CNTNAP2: variants seen among roughly 807,000 people sequenced by gnomAD.
The protein encoded by CNTNAP2 is contactin associated protein 2.
In CNTNAP2, 98 loss-of-function variants were observed where a neutral mutation model predicts 155.2. The observed-to-expected ratio is 0.63, with a 90% CI of 0.54 to 0.75. The LOEUF is 0.75. CNTNAP2 is among the 30% of genes least tolerant of loss of function. CNTNAP2 has a pLI of 0.00. For synonymous variants in CNTNAP2, 651 were observed against 631.2 expected, an observed-to-expected ratio of 1.03 and a Z score of -0.47; for missense variants, 1,727 against 1,688.1, an observed-to-expected ratio of 1.02 and a Z score of -0.40.
chr7:147,778,957 A>G (rs1002862823), intron 13 of CNTNAP2, among the ~76,000 whole-genome samples: 3 of 152,252 alleles, frequency 2.0e-5, no homozygotes, highest in African/African-American at 7.2e-5. Context: ...TGGTACTTCT[A>G]CAAATGGGTT....
intron 2 of CNTNAP2, among the ~76,000 whole-genome samples, chr7:146,837,441 A>G (rs893802829): frequency 2.0e-5 from 3 of 152,082 alleles, no homozygotes; most frequent in Non-Finnish European, 4.4e-5. Flanking sequence ...AACATTTTGC[A>G]TTTTTAAAAA....
chr7:147,405,966 G>A (rs1168846493), intron 10 of CNTNAP2, among the ~76,000 whole-genome samples: 1 of 152,118 alleles, frequency 6.6e-6, no homozygotes, highest in East Asian at 1.9e-4. Context: ...AGGCCCCAGA[G>A]TAATTCCCTC....
intron 2 of CNTNAP2, among the ~76,000 whole-genome samples, chr7:146,817,901 A>G (rs2129195392): frequency 6.6e-6 from 1 of 152,332 alleles, no homozygotes; most frequent in East Asian, 1.9e-4. Context: ...AAGATTAAAA[A>G]CTGAAATCAG....
At chr7:148,373,993 T>C (rs564571093) in intron 21 of CNTNAP2, among the ~76,000 whole-genome samples, 2 of 152,228 alleles carry the variant, frequency 1.3e-5, no homozygotes, top group Non-Finnish European at 2.9e-5. Context: ...GGTCCCGAGA[T>C]TCTAATTTTT....
chr7:146,805,464 G>C (rs1802950936), intron 2 of CNTNAP2, among the ~76,000 whole-genome samples: 1 of 152,160 alleles, frequency 6.6e-6, no homozygotes, highest in Non-Finnish European at 1.5e-5. Flanking sequence ...TATTAAATAT[G>C]TAGAGAGCAG....
chr7:146,496,614 G>A (rs1797218374), intron 1 of CNTNAP2, among the ~76,000 whole-genome samples: 1 of 152,106 alleles, frequency 6.6e-6, no homozygotes, highest in African/African-American at 2.4e-5. Context: ...AAACTGGTTG[G>A]AAGCTATTGC....
intron 21 of CNTNAP2, among the ~76,000 whole-genome samples, chr7:148,335,859 G>A (rs531320799): frequency 2.0e-5 from 3 of 151,626 alleles, no homozygotes; most frequent in South Asian, 2.1e-4. Flanking sequence ...AATATTGTAC[G>A]TTTTTTTTCA....
At chr7:147,099,654 T>G (rs17170319) in intron 4 of CNTNAP2, among the ~76,000 whole-genome samples, 5,263 of 152,300 alleles carry the variant, frequency 0.035, 119 homozygotes, top group South Asian at 0.098. Context: ...AATGATATTT[T>G]AAATGGAATT....
At chr7:146,791,209 C>A (rs1802668018) in intron 2 of CNTNAP2, among the ~76,000 whole-genome samples, 1 of 152,028 alleles carries the variant, frequency 6.6e-6, no homozygotes, top group Admixed American at 6.6e-5. Context: ...TCTGTTCCTG[C>A]CTTAGTTTGC....
chr7:147,496,361 CAGTTATTTCTG>C (rs1243155246), intron 11 of CNTNAP2, among the ~76,000 whole-genome samples: 1 of 152,086 alleles, frequency 6.6e-6, no homozygotes, highest in East Asian at 1.9e-4. Context: ...TATGGGCTCT[CAGTTATTTCTG>C]AAGTAAGGAG....
At chr7:148,337,873 G>A (rs1248905539) in intron 21 of CNTNAP2, among the ~76,000 whole-genome samples, 2 of 152,174 alleles carry the variant, frequency 1.3e-5, no homozygotes, top group Admixed American at 6.5e-5. Flanking sequence ...AGAGCAATGG[G>A]TCAGGGGGAC....
chr7:147,249,816 G>A (rs1194878341), intron 8 of CNTNAP2, among the ~76,000 whole-genome samples: 4 of 151,976 alleles, frequency 2.6e-5, no homozygotes, highest in Non-Finnish European at 2.9e-5. Flanking sequence ...CCAAAGTTCC[G>A]TGCTCTTTGC....
chr7:146,482,999 G>A (rs936093325), intron 1 of CNTNAP2, among the ~76,000 whole-genome samples: 5 of 151,164 alleles, frequency 3.3e-5, no homozygotes, highest in Admixed American at 1.3e-4. Flanking sequence ...TTTTAAGGCC[G>A]GGTGCGGTGG....
At chr7:148,268,511 C>T (rs1404559946) in intron 21 of CNTNAP2, among the ~76,000 whole-genome samples, 4 of 152,038 alleles carry the variant, frequency 2.6e-5, no homozygotes, top group Non-Finnish European at 5.9e-5. Flanking sequence ...AAAAATTAGA[C>T]GGGCGTGGTG....
intron 1 of CNTNAP2, among the ~76,000 whole-genome samples, chr7:146,198,515 T>C (rs1035004114): frequency 2.0e-5 from 3 of 152,204 alleles, no homozygotes; most frequent in Non-Finnish European, 4.4e-5. Flanking sequence ...GCTAGTGAAA[T>C]GGCAGTCTTA....
At chr7:146,783,849 G>A (rs182212223) in intron 2 of CNTNAP2, among the ~76,000 whole-genome samples, 2 of 152,250 alleles carry the variant, frequency 1.3e-5, no homozygotes, top group Non-Finnish European at 1.5e-5. Context: ...ATCACAGATC[G>A]TCTTTATCAC....
intron 1 of CNTNAP2, among the ~76,000 whole-genome samples, chr7:146,294,791 C>T (rs1800485904): frequency 6.6e-6 from 1 of 152,036 alleles, no homozygotes; most frequent in Non-Finnish European, 1.5e-5. Flanking sequence ...TGAGCTAATT[C>T]CAGAATGTTG....
At chr7:147,833,188 G>A (rs150174879) in intron 13 of CNTNAP2, among the ~76,000 whole-genome samples, 1 of 150,424 alleles carries the variant, frequency 6.6e-6, no homozygotes, top group African/African-American at 2.4e-5. Context: ...ACAAAATAGG[G>A]GTATAAAAAT....
chr7:147,867,092 G>A (rs1401135052), intron 13 of CNTNAP2, among the ~76,000 whole-genome samples: 5 of 152,278 alleles, frequency 3.3e-5, no homozygotes, highest in African/African-American at 9.6e-5. Flanking sequence ...GATACCGGTT[G>A]TTTCTTTCCA....
Sources: allele counts gnomAD v4.1 joint callset (sites outside exome capture counted in the v4.1 genomes callset), GRCh38; gene constraint gnomAD v4.1.1; transcripts MANE v1.5; gene names NCBI Gene and HGNC (gene_info 2026-07-23, HGNC 2026-07-21).